RAB44: variants seen among roughly 807,000 people sequenced by gnomAD.
RAB44 encodes the protein RAB44, member RAS oncogene family.
RAB44 carries 67 observed loss-of-function variants against 93.3 expected under a neutral mutation model. The ratio of observed to expected loss-of-function variants is 0.72; its 90% CI spans 0.59 to 0.88. The LOEUF (loss-of-function observed/expected upper bound fraction) is 0.88. Ranked by LOEUF, RAB44 falls within the 40% of genes least tolerant of loss-of-function variation. The pLI, the probability that RAB44 is intolerant of heterozygous loss-of-function variation, is 0.00. For missense variants in RAB44, 1,064 were observed against 1,261.7 expected, an observed-to-expected ratio of 0.84 and a Z score of 2.37; for synonymous variants, 427 against 520.3, an observed-to-expected ratio of 0.82 and a Z score of 2.44.
intron 10 of RAB44, among the ~76,000 whole-genome samples, chr6:36,726,278 C>A (rs1280677960): frequency 6.6e-6 from 1 of 152,148 alleles, no homozygotes; most frequent in African/African-American, 2.4e-5. Flanking sequence ...TGGAGTCTCG[C>A]TGTATTGCTC....
At chr6:36,728,825 T>A in intron 12 of RAB44, 24 bp downstream of exon 12, 1 of 1,523,652 alleles carries the variant, frequency 6.6e-7, no homozygotes, top group Non-Finnish European at 8.9e-7. Flanking sequence ...CATCAGCCCG[T>A]CTCTGTGCGT....
intron 1 of RAB44, among the ~76,000 whole-genome samples, chr6:36,698,460 G>T (rs982278612): frequency 7.9e-5 from 12 of 152,206 alleles, no homozygotes; most frequent in Admixed American, 6.5e-4. Context: ...TGGGCAGCCT[G>T]TGGTGCCTGC....
In RAB44 at chr6:36,720,510, G is replaced by T. The variant is rs1038677636; in HGVS notation, c.976G>T (p.Ala326Ser). Residue 326 changes from alanine to serine, a missense_variant, in exon 8 of 14, where the codon GCC becomes TCC. Physicochemically the swap from Ala to Ser is moderately conservative, Grantham distance 99 (BLOSUM62 1). Coordinates refer to ENST00000612677, the MANE Select transcript of RAB44 (RefSeq NM_001257357.2). ...LQVTRGRLDA[A>S]RGRVSWQVEE... ...GGTGACCAGGGGGCGCCTGGACGCC[G>T]CCAGGGGCCGGGTGTCCTGGCAGGT... is the stretch of plus-strand genomic sequence containing the variant. The T allele has an allele frequency of 3.1e-5, 38 of 1,233,500 alleles. No homozygotes were observed. The highest frequency in any genetic ancestry group is 8.4e-5 in the Admixed American group (2 of 23,708). The allele number at this position is 1,233,500 out of a possible 1,614,324, so 76.4% of individuals were successfully genotyped here. A position where few individuals can be genotyped will look rare whatever the true frequency, so the allele number is the denominator to read the frequency against.
intron 2 of RAB44, among the ~76,000 whole-genome samples, chr6:36,710,824 A>G (rs1762767207): frequency 6.6e-6 from 1 of 152,184 alleles, no homozygotes; most frequent in Non-Finnish European, 1.5e-5. Context: ...GGGTTTCACC[A>G]TGTTGGCTAG....
Position 36,717,174 on chromosome 6 carries a change from T to C in RAB44, c.495-99T>C. On this transcript the variant is annotated intron_variant, in intron 4 of 13. Coordinates refer to ENST00000612677, the MANE Select transcript of RAB44 (RefSeq NM_001257357.2). This position sits in a 1 kb window ranked among gnomAD's most constrained non-coding sequence, Gnocchi z 4.1. ...ATTTGGCCCAGGTGCCAAAGTCTCT[T>C]GGAGCGCTGCAGTGAAAACTGAGGA... is the stretch of plus-strand genomic sequence containing the variant. 8.6e-7 allele frequency: 1 copy of C among 1,159,982 alleles called. No individual in the cohort carries two copies. The allele number at this position is 1,159,982 out of a possible 1,614,324, so 71.9% of individuals were successfully genotyped here.
At chr6:36,729,611 T>C (rs1262704910) in intron 12 of RAB44, among the ~76,000 whole-genome samples, 1 of 152,064 alleles carries the variant, frequency 6.6e-6, no homozygotes, top group Non-Finnish European at 1.5e-5. Flanking sequence ...GCCTCCTTAG[T>C]AGCTGGGATT....
intron 1 of RAB44, among the ~76,000 whole-genome samples, chr6:36,702,446 C>T (rs947733772): frequency 7.2e-5 from 11 of 152,176 alleles, no homozygotes; most frequent in Non-Finnish European, 1.3e-4. Flanking sequence ...AAGGGGAGGC[C>T]GTGGAATGAC....
In RAB44 at chr6:36,720,341, C is replaced by T. The variant is rs768558031; in HGVS notation, c.829-22C>T. 9.3e-5 allele frequency: 115 copies of T among 1,232,144 alleles called. 1 individual carries two copies. Among genetic ancestry groups the T allele is most frequent in the Middle Eastern group, 3.1e-4 (1 of 3,236 alleles). The allele number at this position is 1,232,144 out of a possible 1,614,324, so 76.3% of individuals were successfully genotyped here. ...CCTGGAGGGCATCTGGGCTTCTCTCCGCCTCACCCTCCACCCTGCAGCTGG... is the reference window on the plus strand; with the variant it reads ...CCTGGAGGGCATCTGGGCTTCTCTCTGCCTCACCCTCCACCCTGCAGCTGG... On this transcript the variant is annotated intron_variant, in intron 7 of 13. Coordinates refer to ENST00000612677, the MANE Select transcript of RAB44 (RefSeq NM_001257357.2).
intron 8 of RAB44, 125 bp from the exon 9 acceptor site, chr6:36,721,026 T>C: frequency 1.1e-6 from 1 of 905,322 alleles, no homozygotes. Flanking sequence ...AAAGATTGCC[T>C]GAGCAAGGAC....
Position 36,728,787 on chromosome 6 carries a change from C to A in RAB44, c.2884C>A (p.Gln962Lys), listed in dbSNP as rs1485629301. 6.4e-7 allele frequency: 1 copy of A among 1,550,482 alleles called. No homozygotes were observed. Among genetic ancestry groups the A allele is most frequent in the Non-Finnish European group, 8.7e-7 (1 of 1,146,884 alleles). ...EERQVSVEAG[Q>K]QLAQELGVYF... is the part of the protein sequence containing the mutation. ...ACGGCAAGTGTCCGTGGAAGCTGGG[C>A]AGCAACTGGCCCAGGTAAGCACTTG... Residue 962 changes from glutamine (Q) to lysine (K), a missense_variant, in exon 12 of 14, where the codon CAG (glutamine) becomes AAG (lysine). Coordinates refer to ENST00000612677, the MANE Select transcript of RAB44 (RefSeq NM_001257357.2).
intron 9 of RAB44, among the ~76,000 whole-genome samples, chr6:36,724,661 C>G (rs368457809): frequency 1.2e-4 from 18 of 151,184 alleles, no homozygotes; most frequent in African/African-American, 4.1e-4. Context: ...ATCAACCAAC[C>G]AACCAACCAA....
chr6:36,722,976 A>C (rs1763135439), intron 9 of RAB44, among the ~76,000 whole-genome samples: 1 of 152,254 alleles, frequency 6.6e-6, no homozygotes. Flanking sequence ...CACATCAACA[A>C]TGCACCCTGC....
In RAB44 at chr6:36,717,135, T is replaced by C; in HGVS notation, c.495-138T>C. On this transcript the variant is annotated intron_variant, in intron 4 of 13. Transcript: ENST00000612677. This position sits in a 1 kb window ranked among gnomAD's most constrained non-coding sequence, Gnocchi z 4.1. ...GAGGTGGCGTTTTAGTTGCATCTTG[T>C]AGGGTGTCAATAGATTTGGCCCAGG... 1.3e-6 allele frequency: 1 copy of C among 767,174 alleles called. No homozygotes were observed. The highest frequency in any genetic ancestry group is 1.8e-6 in the Non-Finnish European group (1 of 564,062). 47.5% of individuals were successfully genotyped at this position (767,174 alleles called of 1,614,324 possible).
At position 36,722,179 on chromosome 6, in the gene RAB44, AG is replaced by A. The variant is rs1763104508; in HGVS notation, c.2048del (p.Gly683AlafsTer21). 1.6e-6 allele frequency: 2 copies of A among 1,237,452 alleles called. No individual in the cohort carries two copies. The highest frequency in any genetic ancestry group is 4.1e-4 in the Middle Eastern group (2 of 4,858). 76.7% of individuals were successfully genotyped at this position (1,237,452 alleles called of 1,614,324 possible). A position where few individuals can be genotyped will look rare whatever the true frequency, so the allele number is the denominator to read the frequency against. ...EEPRSEEGKQ[E>X]GRGGQDLSSE... Reference sequence around the variant, plus strand: ...CCCAGGTCTGAGGAAGGAAAACAAGAGGGCAGAGGTGGGCAGGACCTCAGTT... The same window carrying A: ...CCCAGGTCTGAGGAAGGAAAACAAGAGGCAGAGGTGGGCAGGACCTCAGTT... On this transcript the variant is annotated frameshift_variant, in exon 9 of 14. Coordinates refer to ENST00000612677, the MANE Select transcript of RAB44 (RefSeq NM_001257357.2). LOFTEE classifies it high-confidence loss of function.
rs1416231409 is a variant in RAB44 at position 36,732,713 on chromosome 6, G to A, written c.*620G>A. The A allele has an allele frequency of 6.6e-6, 1 of 152,152 alleles. No homozygotes were observed. The highest frequency in any genetic ancestry group is 1.5e-5 in the Non-Finnish European group (1 of 68,032). The allele number at this position is 152,152 out of a possible 1,614,324, so 9.4% of individuals were successfully genotyped here. ...CTTCCCAGCAGAATCTGGTTCCTGG[G>A]AAGAGTAATGTTCCAAAGGCCTCTG... On this transcript the variant is annotated 3_prime_UTR_variant, in exon 14 of 14. Coordinates refer to ENST00000612677, the MANE Select transcript of RAB44 (RefSeq NM_001257357.2).
Position 36,722,362 on chromosome 6 carries a change from G to A in RAB44, c.2228G>A (p.Arg743Lys), listed in dbSNP as rs1763112256. ...ACTCCTGGAAAATCGGCACCTCCAA[G>A]GGGCTCTCCTCCCAGGGGGGCTCAG... is the stretch of plus-strand genomic sequence containing the variant. ...GPTPGKSAPP[R>K]GSPPRGAQPG... The change falls in exon 9 of 14, where the codon AGG (arginine) becomes AAG (lysine). Residue 743 changes from arginine to lysine, a missense_variant. Transcript: ENST00000612677. 5 of 1,345,292 alleles carry A rather than the reference G, an allele frequency of 3.7e-6. No individual in the cohort carries two copies. In the African/African-American group the frequency reaches 5.9e-5, roughly 16 times the overall value. 83.3% of individuals were successfully genotyped at this position (1,345,292 alleles called of 1,614,324 possible).
At chr6:36,702,108 C>T (rs560270810) in intron 1 of RAB44, among the ~76,000 whole-genome samples, 1 of 152,040 alleles carries the variant, frequency 6.6e-6, no homozygotes, top group Non-Finnish European at 1.5e-5. Context: ...GGGCAGGAGA[C>T]CTGATTCATG....
rs1164107527 is a variant in RAB44, at chr6:36,715,562, A to G, written c.403A>G (p.Ser135Gly). ...CTCTAAGCGGGTATCTGCTACCACC[A>G]GCTTCCCAGCTCTGGAGGAGGCGGA... ...LPSKRVSATT[S>G]FPALEEADAE... Residue 135 changes from serine (S) to glycine (G), a missense_variant, in exon 4 of 14, where the codon AGC (serine) becomes GGC (glycine). Coordinates refer to ENST00000612677, the MANE Select transcript of RAB44 (RefSeq NM_001257357.2). The G allele has an allele frequency of 6.5e-7, 1 of 1,536,062 alleles. No homozygotes were observed.
intron 2 of RAB44, among the ~76,000 whole-genome samples, chr6:36,709,259 A>G (rs976076575): frequency 1.3e-5 from 2 of 152,128 alleles, no homozygotes; most frequent in African/African-American, 2.4e-5. Context: ...CCTATTTATC[A>G]TCAATTTTTA....
Sources: gnomAD v4.1 joint callset for allele counts (sites outside exome capture counted in the v4.1 genomes callset) on GRCh38, gnomAD v4.1.1 for gene constraint, Gnocchi (gnomAD v3.1) non-coding constraint, MANE v1.5 for transcripts, NCBI Gene and HGNC (gene_info 2026-07-23, HGNC 2026-07-21) for gene names.